The following OSBPL10 variants were observed in gnomAD, a reference collection of about 807,000 sequenced individuals.
OSBPL10 encodes the protein oxysterol-binding protein-related protein 10.
A neutral mutation model predicts 81.7 loss-of-function variants in OSBPL10; 49 were observed. That is an observed-to-expected ratio of 0.60 (90% confidence interval 0.48 to 0.76). The LOEUF (loss-of-function observed/expected upper bound fraction) is 0.76. Among genes scored for constraint, OSBPL10 ranks in the 30% least tolerant of loss-of-function variants. The pLI, the probability that OSBPL10 is intolerant of heterozygous loss-of-function variation, is 0.00. For synonymous variants in OSBPL10, 419 were observed against 383.6 expected (o/e 1.09, Z -1.08); for missense variants, 923 against 987.8 (o/e 0.93, Z 0.88).
chr3:31,749,299 G>A lies in OSBPL10; in HGVS notation c.730-1179C>T, dbSNP rs112515521. On this transcript the variant is annotated intron_variant, in intron 4 of 11. Coordinates refer to ENST00000396556, the MANE Select transcript of OSBPL10 (RefSeq NM_017784.5). The stretch of plus-strand genomic sequence containing the variant: ...CCTTTTGAAACAAATACCTGCTATC[G>A]GCGATTACTTCAAAACGATGTTTTT... Among the ~76,000 whole-genome samples, 1,105 of 152,124 alleles carry A rather than the reference G, an allele frequency of 7.3e-3. 12 individuals are homozygous for A. Among genetic ancestry groups the A allele is most frequent in the Middle Eastern group, 0.024 (7 of 294 alleles).
At chr3:31,810,741 T>C (rs1192925276) in intron 4 of OSBPL10, among the ~76,000 whole-genome samples, 1 of 152,168 alleles carries the variant, frequency 6.6e-6, no homozygotes, top group East Asian at 1.9e-4. Flanking sequence ...AGATACAAGT[T>C]TTCCCCTAGC....
chr3:31,969,222 T>G lies in OSBPL10; in HGVS notation c.281+11677A>C, dbSNP rs573814135. On this transcript the variant is annotated intron_variant, in intron 1 of 11. Coordinates refer to ENST00000396556, the MANE Select transcript of OSBPL10 (RefSeq NM_017784.5). ...TGAGGTTAATGAATTGGGAGGCCTC[T>G]GCATAAATCAAGACATCTGTCAGCA... Among the ~76,000 whole-genome samples, 15 of 152,288 alleles carry G rather than the reference T, an allele frequency of 9.8e-5. No homozygotes were observed. In the East Asian group the frequency reaches 2.9e-3, roughly 29 times the overall value.
chr3:31,818,377 A>G (rs1289158702), intron 4 of OSBPL10, among the ~76,000 whole-genome samples: 1 of 152,196 alleles, frequency 6.6e-6, no homozygotes, highest in East Asian at 1.9e-4. Flanking sequence ...CAGATTTTGA[A>G]GTTGCCAGCC....
At chr3:31,748,246 A>G (rs1218296292) in intron 4 of OSBPL10, 126 bp from the exon 5 acceptor site, 6 of 813,088 alleles carry the variant, frequency 7.4e-6, no homozygotes, top group East Asian at 2.7e-5. Flanking sequence ...TTCGGTGCAC[A>G]TTCGTCTTTT....
At chr3:31,822,764 A>G (rs1303502154) in intron 4 of OSBPL10, among the ~76,000 whole-genome samples, 1 of 151,864 alleles carries the variant, frequency 6.6e-6, no homozygotes, top group Non-Finnish European at 1.5e-5. Flanking sequence ...TTTAAAAAAA[A>G]TTAGCCAGGT....
chr3:31,726,566 G>A (rs979241209), intron 6 of OSBPL10, among the ~76,000 whole-genome samples: 11 of 151,938 alleles, frequency 7.2e-5, no homozygotes, highest in African/African-American at 2.7e-4. Flanking sequence ...CGCCTGCCTC[G>A]GCCACCCAAA....
At chr3:31,993,837 A>G (rs1364372348) in intron 2 of OSBPL10, among the ~76,000 whole-genome samples, 1 of 152,196 alleles carries the variant, frequency 6.6e-6, no homozygotes, top group African/African-American at 2.4e-5. Flanking sequence ...TAAACATACA[A>G]TATGATCTAG....
At chr3:31,865,129 A>G (rs1053021896) in intron 3 of OSBPL10, among the ~76,000 whole-genome samples, 3 of 152,220 alleles carry the variant, frequency 2.0e-5, no homozygotes, top group African/African-American at 7.2e-5. Context: ...TCTGTAGATT[A>G]AAAGAACTGT....
chr3:31,831,700 C>A (rs1227630308), intron 3 of OSBPL10, among the ~76,000 whole-genome samples: 1 of 152,210 alleles, frequency 6.6e-6, no homozygotes, highest in Non-Finnish European at 1.5e-5. Flanking sequence ...AACCATCTTT[C>A]ACTCATCAGA....
At chr3:31,989,561 C>G in intron 2 of OSBPL10, 1 of 1,614,170 alleles carries the variant, frequency 6.2e-7, no homozygotes, top group Non-Finnish European at 8.5e-7. Flanking sequence ...AGCTTTCATT[C>G]GCATCTTCCT....
chr3:31,680,777 T>C (rs1470842675), intron 8 of OSBPL10, among the ~76,000 whole-genome samples: 1 of 152,134 alleles, frequency 6.6e-6, no homozygotes, highest in Non-Finnish European at 1.5e-5. Flanking sequence ...CTGGAGCATA[T>C]GGTGGACAAA....
chr3:31,944,661 T>C (rs1697641068), intron 1 of OSBPL10, among the ~76,000 whole-genome samples: 1 of 150,930 alleles, frequency 6.6e-6, no homozygotes, highest in Admixed American at 6.6e-5. Flanking sequence ...ATGCCTATAA[T>C]ACAGTGCTGT....
At chr3:31,851,703 C>T (rs1233497548) in intron 3 of OSBPL10, among the ~76,000 whole-genome samples, 1 of 152,208 alleles carries the variant, frequency 6.6e-6, no homozygotes, top group African/African-American at 2.4e-5. Context: ...GCAACATGTG[C>T]CAGAAGTGTC....
intron 2 of OSBPL10, among the ~76,000 whole-genome samples, chr3:31,876,903 C>CTT (rs35788348): frequency 0.23 from 29,628 of 131,630 alleles, 3,810 homozygotes; most frequent in Non-Finnish European, 0.27. Flanking sequence ...TCAAATGGCA[C>CTT]TTTTTTTTTT....
intron 3 of OSBPL10, among the ~76,000 whole-genome samples, chr3:31,871,494 G>C (rs528260444): frequency 4.4e-4 from 67 of 152,332 alleles, no homozygotes; most frequent in Middle Eastern, 3.4e-3. Context: ...TGAAGTCAGT[G>C]AGACCAAGAA....
At chr3:31,824,075 G>T (rs1700044797) in intron 4 of OSBPL10, among the ~76,000 whole-genome samples, 1 of 152,106 alleles carries the variant, frequency 6.6e-6, no homozygotes. Flanking sequence ...GCCCAGGCTT[G>T]TCTTAAACTC....
At chr3:31,834,623 G>C (rs570039009) in intron 3 of OSBPL10, among the ~76,000 whole-genome samples, 1 of 152,222 alleles carries the variant, frequency 6.6e-6, no homozygotes, top group African/African-American at 2.4e-5. Context: ...CATATGCTTT[G>C]AATCTACTGG....
intron 1 of OSBPL10, among the ~76,000 whole-genome samples, chr3:31,918,324 CTTTTCTTT>C (rs1559517814): frequency 1.1e-5 from 1 of 91,200 alleles, no homozygotes; most frequent in East Asian, 3.7e-4. Flanking sequence ...GTTGTTTTTT[CTTTTCTTT>C]TTTTTTTTTT....
chr3:31,733,934 T>C (rs541140355), intron 5 of OSBPL10, among the ~76,000 whole-genome samples: 3 of 151,696 alleles, frequency 2.0e-5, no homozygotes, highest in South Asian at 2.1e-4. Context: ...GGAGTGAACC[T>C]GGGAGGCGGA....
Sources: allele counts gnomAD v4.1 joint callset (sites outside exome capture counted in the v4.1 genomes callset), GRCh38; gene constraint gnomAD v4.1.1; transcripts MANE v1.5; gene names NCBI Gene and HGNC (gene_info 2026-07-23, HGNC 2026-07-21).